Variants in ZBTB1 observed in about 807,000 individuals in gnomAD.
ZBTB1 encodes the protein zinc finger and BTB domain containing 1, also known as zinc finger and BTB domain-containing protein 1.
In ZBTB1, 13 loss-of-function variants were observed where a neutral mutation model predicts 51.6. The ratio of observed to expected loss-of-function variants is 0.25; its 90% CI spans 0.16 to 0.40. The LOEUF (loss-of-function observed/expected upper bound fraction) is 0.40, where lower values mean the gene tolerates loss of function less well. ZBTB1 is among the 10% of genes least tolerant of loss of function. The probability of loss-of-function intolerance (pLI) is 1.00; values close to 1 mark genes in which losing one functional copy is unlikely to be tolerated. For missense variants in ZBTB1, 567 were observed against 856.5 expected, an observed-to-expected ratio of 0.66 and a Z score of 4.22; for synonymous variants, 240 against 282.2, an observed-to-expected ratio of 0.85 and a Z score of 1.50.
intron 1 of ZBTB1, among the ~76,000 whole-genome samples, chr14:64,512,721 T>C (rs1296631179): frequency 6.6e-6 from 1 of 152,216 alleles, no homozygotes; most frequent in Non-Finnish European, 1.5e-5. Flanking sequence ...CTAAACTTGA[T>C]CGTGTTTGTC....
chr14:64,506,684 T>C (rs2079662783), intron 1 of ZBTB1, among the ~76,000 whole-genome samples: 1 of 152,266 alleles, frequency 6.6e-6, no homozygotes, highest in South Asian at 2.1e-4. Flanking sequence ...CTTTCTCCAT[T>C]AATACCACAT....
intron 1 of ZBTB1, chr14:64,505,193 C>A (rs1295248491): frequency 1.9e-5 from 6 of 321,138 alleles, no homozygotes; most frequent in Non-Finnish European, 2.8e-5. Context: ...GAGACTAGTT[C>A]CCAAATTAGT....
chr14:64,521,374 CTT>C (rs1208398390), intron 1 of ZBTB1, 111 bp from the exon 2 acceptor site: 3 of 728,478 alleles, frequency 4.1e-6, no homozygotes, highest in East Asian at 5.8e-5. Context: ...ATGGAAAGCT[CTT>C]AATTTCTTGA....
chr14:64,505,150 C>T (rs911020176), intron 1 of ZBTB1: 10 of 337,266 alleles, frequency 3.0e-5, no homozygotes, highest in Admixed American at 4.9e-5. Flanking sequence ...CCCGGGCGTG[C>T]GGCCTCCCTG....
rs140410486 is a variant in ZBTB1 at position 64,522,584 on chromosome 14, A to G, written c.1080A>G (p.Glu360=). The change falls in exon 2 of 2, where the codon GAA becomes GAG. Residue 360 remains glutamate, a synonymous_variant. Coordinates refer to ENST00000683701, the MANE Select transcript of ZBTB1 (RefSeq NM_001123329.2). ...GTAATGAATCCACTGACAATGATGAATTAGAAGATGAACCTGAAGAGCCAT... is the reference window on the plus strand; with the variant it reads ...GTAATGAATCCACTGACAATGATGAGTTAGAAGATGAACCTGAAGAGCCAT... ...KDCNESTDND[E]LEDEPEEPFY... 2.0e-4 allele frequency: 325 copies of G among 1,613,902 alleles called. 5 individuals carry two copies. The South Asian group carries it at 2.5e-3, about 13-fold the overall frequency.
At chr14:64,506,615 A>G (rs531343762) in intron 1 of ZBTB1, among the ~76,000 whole-genome samples, 2 of 152,386 alleles carry the variant, frequency 1.3e-5, no homozygotes, top group African/African-American at 4.8e-5. Flanking sequence ...GTTAATAAAC[A>G]TAACGTCTAC....
At chr14:64,509,370 C>CA (rs1050368796) in intron 1 of ZBTB1, among the ~76,000 whole-genome samples, 10 of 150,786 alleles carry the variant, frequency 6.6e-5, no homozygotes, top group South Asian at 2.1e-4. Flanking sequence ...GACCCTGTCT[C>CA]AAAAAAAAGA....
At chr14:64,520,699 T>G (rs1263882590) in intron 1 of ZBTB1, among the ~76,000 whole-genome samples, 1 of 152,218 alleles carries the variant, frequency 6.6e-6, no homozygotes, top group East Asian at 1.9e-4. Context: ...AGGATTCTTT[T>G]TAACACAATC....
Position 64,522,620 on chromosome 14 carries a change from C to A in ZBTB1, c.1116C>A (p.Tyr372Ter). Reference protein sequence around the residue: ...EDEPEEPFYRYYVEEDVSIKK... With the variant: ...EDEPEEPFYR ...AACCTGAAGAGCCATTTTATAGATA[C>A]TATGTTGAAGAAGATGTCAGCATAA... The change falls in exon 2 of 2, where the codon TAC becomes TAA. Residue 372 changes from tyrosine (Y) to a stop codon, truncating the protein, a stop_gained. Coordinates refer to ENST00000683701, the MANE Select transcript of ZBTB1 (RefSeq NM_001123329.2). LOFTEE classifies it high-confidence loss of function. 1 of 1,614,114 alleles carries A rather than the reference C, an allele frequency of 6.2e-7. No homozygotes were observed. Among genetic ancestry groups the A allele is most frequent in the East Asian group, 2.2e-5 (1 of 44,892 alleles).
intron 1 of ZBTB1, chr14:64,516,621 G>T (rs1188166623): frequency 6.6e-6 from 1 of 152,236 alleles, no homozygotes; most frequent in Non-Finnish European, 1.5e-5. Context: ...CTTCTGTAGA[G>T]TGGGCGCTTT....
intron 1 of ZBTB1, among the ~76,000 whole-genome samples, chr14:64,508,276 T>C (rs1278504974): frequency 6.6e-6 from 1 of 152,240 alleles, no homozygotes; most frequent in Non-Finnish European, 1.5e-5. Flanking sequence ...CCAGATTTTC[T>C]TTTGTCTATA....
At chr14:64,520,638 C>A (rs961445677) in intron 1 of ZBTB1, among the ~76,000 whole-genome samples, 4 of 152,154 alleles carry the variant, frequency 2.6e-5, no homozygotes, top group African/African-American at 9.7e-5. Flanking sequence ...AAGCATATCT[C>A]AGATGTATCA....
chr14:64,532,853 GAT>G (rs901671844), exon 3 of ZBTB1: 1 of 150,172 alleles, frequency 6.7e-6, no homozygotes, highest in Admixed American at 6.7e-5. Context: ...TGCTTTGTTT[GAT>G]ATATATATGT....
At chr14:64,528,348 T>C (rs1237190496), downstream of ZBTB1, among the ~76,000 whole-genome samples, 3 of 102,338 alleles carry the variant, frequency 2.9e-5, no homozygotes, top group Admixed American at 9.1e-5. Flanking sequence ...TCTTTTCTTT[T>C]TTTTTTTTTT....
exon 3 of ZBTB1, chr14:64,532,039 G>A: frequency 2.1e-6 from 2 of 970,652 alleles, no homozygotes; most frequent in Non-Finnish European, 3.0e-6. Context: ...AAAAGTTCCA[G>A]TTGCAAAGAT....
chr14:64,529,481 C>T (rs1224004935), downstream of ZBTB1, among the ~76,000 whole-genome samples: 1 of 152,156 alleles, frequency 6.6e-6, no homozygotes, highest in Non-Finnish European at 1.5e-5. Flanking sequence ...ATAAGAAATT[C>T]ATCATCTTAG....
At chr14:64,514,924 T>C (rs1448088155) in intron 1 of ZBTB1, among the ~76,000 whole-genome samples, 1 of 152,204 alleles carries the variant, frequency 6.6e-6, no homozygotes, top group African/African-American at 2.4e-5. Flanking sequence ...AAACCATGTA[T>C]CTTTGCCTTC....
exon 3 of ZBTB1, chr14:64,532,493 T>C (rs564759604): frequency 6.6e-6 from 1 of 152,342 alleles, no homozygotes; most frequent in Non-Finnish European, 1.5e-5. Context: ...ACACTTGCCC[T>C]TCTTCCTTTT....
chr14:64,521,685 G>A lies in ZBTB1; in HGVS notation c.181G>A (p.Ala61Thr), dbSNP rs746996420. ...MFFMNHQHSTAQLNLSNMKIS... is the reference protein window; with the variant it reads ...MFFMNHQHSTTQLNLSNMKIS... ...TTTCATGAACCATCAGCATAGTACT[G>A]CACAACTGAATCTCAGCAACATGAA... Residue 61 changes from alanine to threonine, a missense_variant, in exon 2 of 2, where the codon GCA becomes ACA. Ala to Thr is a moderately conservative substitution (Grantham distance 58, BLOSUM62 0). Transcript: ENST00000683701. The A allele has an allele frequency of 2.5e-6, 4 of 1,614,106 alleles. No homozygotes were observed. In the South Asian group the frequency reaches 3.3e-5, roughly 13 times the overall value.
Sources: gnomAD v4.1 joint callset for allele counts (sites outside exome capture counted in the v4.1 genomes callset) on GRCh38, gnomAD v4.1.1 for gene constraint, MANE v1.5 for transcripts, NCBI Gene and HGNC (gene_info 2026-07-23, HGNC 2026-07-21) for gene names.